Variants in PPP2R2A observed in about 807,000 individuals in gnomAD.
The protein encoded by PPP2R2A is protein phosphatase 2 regulatory subunit Balpha, also known as serine/threonine-protein phosphatase 2A 55 kDa regulatory subunit B alpha isoform.
In PPP2R2A, 9 loss-of-function variants were observed where a neutral mutation model predicts 53.2. The ratio of observed to expected loss-of-function variants is 0.17; its 90% CI spans 0.10 to 0.30. PPP2R2A has a LOEUF of 0.30. Among genes scored for constraint, PPP2R2A ranks in the 10% least tolerant of loss-of-function variants. PPP2R2A has a pLI of 1.00. For missense variants in PPP2R2A, 235 were observed against 534.6 expected (o/e 0.44, Z 5.53); for synonymous variants, 169 against 174.2 (o/e 0.97, Z 0.23).
chr8:26,364,418 C>T (rs1805263587), intron 8 of PPP2R2A, among the ~76,000 whole-genome samples: 1 of 152,162 alleles, frequency 6.6e-6, no homozygotes, highest in African/African-American at 2.4e-5. Context: ...TGTTGGATGT[C>T]AGTTCTTGAT....
chr8:26,318,919 C>T (rs1042175162), intron 2 of PPP2R2A, among the ~76,000 whole-genome samples: 7 of 152,158 alleles, frequency 4.6e-5, no homozygotes, highest in African/African-American at 1.7e-4. Context: ...TCATTAAGTG[C>T]ATACAAATCT....
intron 3 of PPP2R2A, among the ~76,000 whole-genome samples, chr8:26,346,673 G>A (rs544050298): frequency 6.6e-6 from 1 of 152,292 alleles, no homozygotes; most frequent in South Asian, 2.1e-4. Context: ...TCTCTCTATA[G>A]CCTTTCAGAG....
chr8:26,291,858 A>C lies in PPP2R2A; in HGVS notation c.7+32A>C, dbSNP rs762951907. ...GAGAAATCCCCCTCGCCCCCTGACA[A>C]GGCACCGCTTCCTTATTCCTCCCTC... is the stretch of plus-strand genomic sequence containing the variant. On this transcript the variant is annotated intron_variant, in intron 1 of 9. Coordinates refer to ENST00000380737, the MANE Select transcript of PPP2R2A (RefSeq NM_002717.4). The C allele has an allele frequency of 1.1e-5, 17 of 1,606,562 alleles. No homozygotes were observed. The African/African-American group carries it at 2.0e-4, about 19-fold the overall frequency.
At chr8:26,363,594 GTTCTTTATTAGCCTGGCATT>G in intron 7 of PPP2R2A, 107 bp from the exon 8 acceptor site, 1 of 810,694 alleles carries the variant, frequency 1.2e-6, no homozygotes, top group Non-Finnish European at 1.8e-6. Flanking sequence ...ATGTTTTTCA[GTTCTTTATTAGCCTGGCATT>G]TTACCTCACT....
In PPP2R2A at chr8:26,350,244, T is replaced by G. The variant is rs562692380; in HGVS notation, c.181-4224T>G. On this transcript the variant is annotated intron_variant, in intron 3 of 9. Transcript: ENST00000380737. ...ATGCCCAGCTAAATTTTTGTATTTT[T>G]GGTAGAGAGAGAGTTTCACTGTGTT... 9.2e-5 allele frequency among the ~76,000 whole-genome samples: 14 copies of G among 152,182 alleles called. No individual in the cohort carries two copies. The East Asian group carries it at 2.1e-3, about 23-fold the overall frequency.
At chr8:26,330,600 G>A (rs1006577971) in intron 2 of PPP2R2A, among the ~76,000 whole-genome samples, 1 of 152,116 alleles carries the variant, frequency 6.6e-6, no homozygotes, top group Non-Finnish European at 1.5e-5. Context: ...GATTGCAGGC[G>A]TGAGCCACTG....
intron 9 of PPP2R2A, 84 bp downstream of exon 9, chr8:26,366,490 G>A: frequency 1.0e-6 from 1 of 1,003,834 alleles, no homozygotes; most frequent in South Asian, 1.8e-5. Context: ...TTCGTCTCTA[G>A]GGATTCCTTG....
At chr8:26,310,409 A>G (rs1398144478) in intron 2 of PPP2R2A, among the ~76,000 whole-genome samples, 2 of 149,812 alleles carry the variant, frequency 1.3e-5, no homozygotes, top group African/African-American at 2.5e-5. Flanking sequence ...TTCTTTTTCC[A>G]CAGCAAATAT....
chr8:26,312,992 A>C (rs994465403), intron 2 of PPP2R2A, among the ~76,000 whole-genome samples: 6 of 151,668 alleles, frequency 4.0e-5, no homozygotes, highest in Admixed American at 3.3e-4. Context: ...CCACTTTCCC[A>C]AACTCTTTTA....
At chr8:26,292,367 G>A in intron 1 of PPP2R2A, 17 of 986,058 alleles carry the variant, frequency 1.7e-5, no homozygotes, top group Non-Finnish European at 1.9e-5. Context: ...GAGACTGGAA[G>A]CCTAAATTTT....
intron 2 of PPP2R2A, among the ~76,000 whole-genome samples, chr8:26,307,391 G>C (rs1473819754): frequency 6.6e-6 from 1 of 152,194 alleles, no homozygotes; most frequent in African/African-American, 2.4e-5. Context: ...TCATTTTGGT[G>C]ATTTATTTAA....
At position 26,291,677 on chromosome 8, in the gene PPP2R2A, T is replaced by TTC; in HGVS notation, c.-143_-142insTC. ...TGGTCTGCCCGCCCCTCCTTCCTTT[T>TTC]CCCCCCGGCCCCCGTCCCCTCCCCC... is the stretch of plus-strand genomic sequence containing the variant. On this transcript the variant is annotated 5_prime_UTR_variant, in exon 1 of 10. Transcript: ENST00000380737. The TTC allele has an allele frequency of 6.6e-6, 3 of 451,618 alleles. No homozygotes were observed. The highest frequency in any genetic ancestry group is 4.1e-6 in the Non-Finnish European group (1 of 242,346). 28.0% of individuals were successfully genotyped at this position (451,618 alleles called of 1,614,324 possible). A position where few individuals can be genotyped will look rare whatever the true frequency, so the allele number is the denominator to read the frequency against.
chr8:26,348,129 A>G (rs573651543), intron 3 of PPP2R2A, among the ~76,000 whole-genome samples: 1 of 152,244 alleles, frequency 6.6e-6, no homozygotes, highest in African/African-American at 2.4e-5. Context: ...GAAGATGAAC[A>G]TTAATAAACA....
At chr8:26,301,211 G>C (rs953167890) in intron 2 of PPP2R2A, among the ~76,000 whole-genome samples, 1 of 151,908 alleles carries the variant, frequency 6.6e-6, no homozygotes, top group East Asian at 1.9e-4. Flanking sequence ...TGCAACTCCT[G>C]TTTATAACAA....
chr8:26,325,664 A>G (rs143885416), intron 2 of PPP2R2A, among the ~76,000 whole-genome samples: 29 of 152,162 alleles, frequency 1.9e-4, no homozygotes, highest in Middle Eastern at 3.4e-3. Flanking sequence ...GCCTTGTTTT[A>G]TGTACTTTGG....
intron 8 of PPP2R2A, 30 bp downstream of exon 8, chr8:26,363,920 A>G: frequency 4.6e-6 from 7 of 1,534,882 alleles, no homozygotes; most frequent in Non-Finnish European, 6.2e-6. Context: ...CAATGAGCAT[A>G]TACCCTGTTT....
At chr8:26,359,748 A>C (rs1239926015) in intron 4 of PPP2R2A, among the ~76,000 whole-genome samples, 2 of 152,330 alleles carry the variant, frequency 1.3e-5, no homozygotes, top group East Asian at 3.9e-4. Flanking sequence ...TACTATTTTG[A>C]TTCTACATAA....
At chr8:26,349,326 AC>A (rs1219842209) in intron 3 of PPP2R2A, among the ~76,000 whole-genome samples, 1 of 152,106 alleles carries the variant, frequency 6.6e-6, no homozygotes, top group Non-Finnish European at 1.5e-5. Flanking sequence ...AGTTTTATGT[AC>A]TGTCAATGTT....
chr8:26,332,799 A>G (rs1353944884), intron 2 of PPP2R2A, among the ~76,000 whole-genome samples: 2 of 152,232 alleles, frequency 1.3e-5, no homozygotes, highest in Non-Finnish European at 2.9e-5. Flanking sequence ...ATTTTACTAA[A>G]CACAGACATT....
Sources: gnomAD v4.1 joint callset for allele counts (sites outside exome capture counted in the v4.1 genomes callset) on GRCh38, gnomAD v4.1.1 for gene constraint, MANE v1.5 for transcripts, NCBI Gene and HGNC (gene_info 2026-07-23, HGNC 2026-07-21) for gene names.